Variants in ZNF486 observed in about 807,000 individuals in gnomAD.
ZNF486 encodes zinc finger protein 486.
ZNF486 carries 12 observed loss-of-function variants against 12.8 expected under a neutral mutation model. The observed-to-expected ratio is 0.94, with a 90% CI of 0.60 to 1.52. The LOEUF (loss-of-function observed/expected upper bound fraction) is 1.52, where lower values mean the gene tolerates loss of function less well. Ranked by LOEUF, ZNF486 falls within the 40% of genes most tolerant of loss-of-function variation. The pLI is 0.00. For synonymous variants in ZNF486, 231 were observed against 184.9 expected (o/e 1.25, Z -2.02); for missense variants, 738 against 545.0 (o/e 1.35, Z -3.53).
intron 1 of ZNF486, among the ~76,000 whole-genome samples, chr19:20,183,573 T>C (rs2089809439): frequency 6.6e-6 from 1 of 150,386 alleles, no homozygotes; most frequent in Non-Finnish European, 1.5e-5. Context: ...TGATGCTGTG[T>C]TCTTCTGTGT....
intron 3 of ZNF486, among the ~76,000 whole-genome samples, chr19:20,191,168 T>C (rs1483044829): frequency 1.3e-5 from 2 of 152,192 alleles, no homozygotes; most frequent in African/African-American, 4.8e-5. Flanking sequence ...ATAAATTATT[T>C]TTCTTTAAAA....
In ZNF486 at chr19:20,197,992, CA is replaced by C; in HGVS notation, c.1283del (p.His428LeufsTer50). On this transcript the variant is annotated frameshift_variant, in exon 4 of 4. Transcript: ENST00000335117. LOFTEE classifies it low-confidence loss of function (END_TRUNC). Reference sequence around the variant, plus strand: ...AAATCTAACTGAACATAAGACAACTCATACTGGAGAGAAACCTTACAAATGT... The same window carrying C: ...AAATCTAACTGAACATAAGACAACTCTACTGGAGAGAAACCTTACAAATGT... ...SSNLTEHKTT[H>X]TGEKPYKCKE... The C allele has an allele frequency of 6.2e-7, 1 of 1,613,798 alleles. No homozygotes were observed. Among genetic ancestry groups the C allele is most frequent in the Non-Finnish European group, 8.5e-7 (1 of 1,179,838 alleles).
At chr19:20,185,174 T>A (rs527450016) in intron 2 of ZNF486, among the ~76,000 whole-genome samples, 2 of 152,274 alleles carry the variant, frequency 1.3e-5, no homozygotes, top group African/African-American at 4.8e-5. Context: ...TTTAAAAATC[T>A]ATTTGGATCT....
intron 1 of ZNF486, among the ~76,000 whole-genome samples, chr19:20,173,531 TAAAAACTTCCA>T (rs782488192): frequency 1.2e-4 from 18 of 152,120 alleles, no homozygotes; most frequent in Non-Finnish European, 2.2e-4. Flanking sequence ...CAAAACTCCT[TAAAAACTTCCA>T]AAAAAAGGCC....
intron 1 of ZNF486, 132 bp from the exon 2 acceptor site, chr19:20,184,224 A>C (rs1242644916): frequency 3.8e-5 from 53 of 1,379,214 alleles, no homozygotes; most frequent in Non-Finnish European, 5.2e-5. Flanking sequence ...CTGTATTGAA[A>C]ATTATTTTAT....
chr19:20,185,417 T>C (rs1555716245), intron 2 of ZNF486, among the ~76,000 whole-genome samples: 3 of 139,652 alleles, frequency 2.1e-5, no homozygotes, highest in African/African-American at 8.0e-5. Context: ...TTTTTTTTTT[T>C]TTTTTTTTTT....
chr19:20,199,198 T>A lies in ZNF486; in HGVS notation c.*1096T>A, dbSNP rs1009023039. 2 of 152,180 alleles carry A rather than the reference T, an allele frequency of 1.3e-5. No individual in the cohort carries two copies. The highest frequency in any genetic ancestry group is 1.3e-4 in the Admixed American group (2 of 15,258). The allele number at this position is 152,180 out of a possible 1,614,324, so 9.4% of individuals were successfully genotyped here. On this transcript the variant is annotated 3_prime_UTR_variant, in exon 4 of 4. Transcript: ENST00000335117. ...AGAAGGTTCATAAAAGAGCAATTAC[T>A]GTGACAAAAATCTTTCAGAAAATAT...
chr19:20,194,570 T>C (rs1396773829), intron 3 of ZNF486, among the ~76,000 whole-genome samples: 1 of 151,918 alleles, frequency 6.6e-6, no homozygotes, highest in South Asian at 2.1e-4. Flanking sequence ...GTACTGAAAA[T>C]ACAAAAAAGT....
intron 3 of ZNF486, among the ~76,000 whole-genome samples, chr19:20,187,536 C>G (rs1487107418): frequency 2.9e-5 from 4 of 139,554 alleles, no homozygotes; most frequent in Admixed American, 7.6e-5. Context: ...GAGTCTCACT[C>G]TGTTGCCCAG....
intron 3 of ZNF486, among the ~76,000 whole-genome samples, chr19:20,191,964 A>G (rs2089907496): frequency 6.6e-6 from 1 of 152,006 alleles, no homozygotes; most frequent in Admixed American, 6.6e-5. Context: ...ACTTTTGTCA[A>G]TATTTGCTTT....
chr19:20,193,402 C>T (rs1443179282), intron 3 of ZNF486, among the ~76,000 whole-genome samples: 2 of 151,678 alleles, frequency 1.3e-5, no homozygotes, highest in Non-Finnish European at 2.9e-5. Context: ...TGGCTCATGC[C>T]TGTGTTCTCA....
At chr19:20,192,088 G>T (rs1437651621) in intron 3 of ZNF486, among the ~76,000 whole-genome samples, 2 of 151,998 alleles carry the variant, frequency 1.3e-5, no homozygotes, top group African/African-American at 4.8e-5. Context: ...ATCATTCTTT[G>T]TCTAATGGTA....
intron 1 of ZNF486, among the ~76,000 whole-genome samples, chr19:20,171,893 T>G (rs1445062452): frequency 6.6e-6 from 1 of 152,164 alleles, no homozygotes; most frequent in Non-Finnish European, 1.5e-5. Flanking sequence ...CAACTAGGCC[T>G]CAGTGTCTGT....
Position 20,197,991 on chromosome 19 carries a change from T to C in ZNF486, c.1281T>C (p.Thr427=). The C allele has an allele frequency of 6.2e-7, 1 of 1,613,820 alleles. No homozygotes were observed. Among genetic ancestry groups the C allele is most frequent in the South Asian group, 1.1e-5 (1 of 91,040 alleles). ...TSSNLTEHKT[T]HTGEKPYKCK... ...CAAATCTAACTGAACATAAGACAAC[T>C]CATACTGGAGAGAAACCTTACAAAT... The change falls in exon 4 of 4, where the codon ACT becomes ACC. Residue 427 remains threonine, a synonymous_variant. Transcript: ENST00000335117.
chr19:20,186,050 T>C lies in ZNF486; in HGVS notation c.221T>C (p.Met74Thr), dbSNP rs2089841572. ...CLEQGIKPLT[M>T]KRHEMIAKPP... ...GAGCAAGGAATAAAACCTCTGACTATGAAGAGACATGAGATGATTGCCAAA... is the reference window on the plus strand; with the variant it reads ...GAGCAAGGAATAAAACCTCTGACTACGAAGAGACATGAGATGATTGCCAAA... The change falls in exon 3 of 4, where the codon ATG becomes ACG. Residue 74 changes from methionine to threonine, a missense_variant. Physicochemically the swap from Met to Thr is moderately conservative, Grantham distance 81. Coordinates refer to ENST00000335117, the MANE Select transcript of ZNF486 (RefSeq NM_052852.4). 2 of 1,594,734 alleles carry C rather than the reference T, an allele frequency of 1.3e-6. No homozygotes were observed. The highest frequency in any genetic ancestry group is 1.7e-6 in the Non-Finnish European group (2 of 1,172,318).
intron 3 of ZNF486, among the ~76,000 whole-genome samples, chr19:20,194,069 C>T (rs76449094): frequency 0.075 from 11,378 of 152,018 alleles, 625 homozygotes; most frequent in African/African-American, 0.16. Context: ...ACAATAATTT[C>T]TATACTTTTA....
chr19:20,188,717 A>G (rs1599712331), intron 3 of ZNF486: 2 of 354,702 alleles, frequency 5.6e-6, no homozygotes, highest in East Asian at 4.2e-5. Context: ...AAATACTTCT[A>G]GACACTTTAC....
intron 1 of ZNF486, among the ~76,000 whole-genome samples, chr19:20,175,519 G>A (rs1478959243): frequency 6.6e-6 from 1 of 150,940 alleles, no homozygotes; most frequent in Non-Finnish European, 1.5e-5. Flanking sequence ...TGAGATTAGG[G>A]AGTGGTGATG....
At chr19:20,189,670 C>T (rs1039166461) in intron 3 of ZNF486, among the ~76,000 whole-genome samples, 10 of 152,030 alleles carry the variant, frequency 6.6e-5, no homozygotes, top group African/African-American at 2.2e-4. Flanking sequence ...ATTTTTAAAT[C>T]AAGTTATTGA....
Sources: allele counts gnomAD v4.1 joint callset (sites outside exome capture counted in the v4.1 genomes callset), GRCh38; gene constraint gnomAD v4.1.1; transcripts MANE v1.5; gene names NCBI Gene and HGNC (gene_info 2026-07-23, HGNC 2026-07-21).